ALOX5AP: variants seen among roughly 807,000 people sequenced by gnomAD.
The protein encoded by ALOX5AP is arachidonate 5-lipoxygenase activating protein.
ALOX5AP carries 9 observed loss-of-function variants against 18.5 expected under a neutral mutation model. The observed-to-expected ratio is 0.49, with a 90% CI of 0.29 to 0.85. ALOX5AP has a LOEUF of 0.85. Ranked by LOEUF, ALOX5AP falls within the 40% of genes least tolerant of loss-of-function variation. The pLI is 0.08. For missense variants in ALOX5AP, 172 were observed against 202.5 expected (o/e 0.85, Z 0.91); for synonymous variants, 81 against 78.6 (o/e 1.03, Z -0.16).
At chr13:30,717,067 T>C (rs1319325679) in intron 1 of ALOX5AP, among the ~76,000 whole-genome samples, 1 of 152,152 alleles carries the variant, frequency 6.6e-6, no homozygotes, top group African/African-American at 2.4e-5. Flanking sequence ...GGCCGATCTG[T>C]TCCCAGACTC....
chr13:30,734,594 C>A (rs534421693), upstream of ALOX5AP, among the ~76,000 whole-genome samples: 1 of 152,338 alleles, frequency 6.6e-6, no homozygotes, highest in South Asian at 2.1e-4. Flanking sequence ...CCCAGCAGGT[C>A]CACTCTTATA....
intron 1 of ALOX5AP, among the ~76,000 whole-genome samples, chr13:30,739,958 G>A (rs756710705): frequency 2.9e-4 from 44 of 152,284 alleles, no homozygotes; most frequent in Non-Finnish European, 5.9e-4. Context: ...AGCCCTATGC[G>A]TTTTACCCAG....
At chr13:30,754,464 G>A (rs948745980) in intron 3 of ALOX5AP, among the ~76,000 whole-genome samples, 3 of 152,114 alleles carry the variant, frequency 2.0e-5, no homozygotes, top group African/African-American at 4.8e-5. Flanking sequence ...CTAGCTAGTA[G>A]CATTCCTATG....
intron 4 of ALOX5AP, among the ~76,000 whole-genome samples, chr13:30,760,901 G>A (rs1008094164): frequency 1.3e-5 from 2 of 152,160 alleles, no homozygotes; most frequent in Admixed American, 6.5e-5. Context: ...GTCTTCTGTG[G>A]TTGGTATAAA....
chr13:30,760,225 G>A (rs575009216), intron 4 of ALOX5AP, among the ~76,000 whole-genome samples: 34 of 148,602 alleles, frequency 2.3e-4, no homozygotes, highest in African/African-American at 5.9e-4. Flanking sequence ...TTCCTACCTC[G>A]TATTTTGTTC....
chr13:30,732,738 C>T (rs1421585734), upstream of ALOX5AP, among the ~76,000 whole-genome samples: 1 of 151,930 alleles, frequency 6.6e-6, no homozygotes, highest in Non-Finnish European at 1.5e-5. Context: ...GGAAACAGGT[C>T]TGCAGAGAGA....
chr13:30,752,003 C>A, intron 2 of ALOX5AP, 49 bp from the exon 3 acceptor site: 1 of 1,532,342 alleles, frequency 6.5e-7, no homozygotes, highest in Non-Finnish European at 9.0e-7. Flanking sequence ...GACCACATTG[C>A]ACTAACTTGG....
intron 1 of ALOX5AP, among the ~76,000 whole-genome samples, chr13:30,716,712 T>C (rs9669952): frequency 0.18 from 26,873 of 152,188 alleles, 3,465 homozygotes; most frequent in African/African-American, 0.35. Context: ...ATCCTGACTT[T>C]TGACACCAAC....
At chr13:30,713,491 G>C (rs1593421902) in exon 1 of ALOX5AP, 1 of 496,936 alleles carries the variant, frequency 2.0e-6, no homozygotes. Flanking sequence ...TATTATCTGG[G>C]CATTTGGAGG....
chr13:30,753,570 ATAAAG>A (rs1473297384), intron 3 of ALOX5AP, among the ~76,000 whole-genome samples: 1 of 152,230 alleles, frequency 6.6e-6, no homozygotes, highest in Non-Finnish European at 1.5e-5. Context: ...TTTCTTAGGA[ATAAAG>A]TAGACTGTAG....
chr13:30,737,583 G>A (rs941771911), intron 1 of ALOX5AP, among the ~76,000 whole-genome samples: 9 of 152,188 alleles, frequency 5.9e-5, no homozygotes, highest in Admixed American at 1.3e-4. Flanking sequence ...CAGAGTTCCC[G>A]GAAGTGATGA....
At chr13:30,736,523 C>A (rs1449348401) in intron 1 of ALOX5AP, among the ~76,000 whole-genome samples, 1 of 152,182 alleles carries the variant, frequency 6.6e-6, no homozygotes, top group Non-Finnish European at 1.5e-5. Context: ...AGAGTAATTA[C>A]TAAGGGCAGC....
At chr13:30,723,147 T>A (rs569696792) in intron 1 of ALOX5AP, among the ~76,000 whole-genome samples, 4 of 152,230 alleles carry the variant, frequency 2.6e-5, no homozygotes, top group Non-Finnish European at 4.4e-5. Flanking sequence ...CTTCTCACCA[T>A]ACATATTTAA....
intron 1 of ALOX5AP, among the ~76,000 whole-genome samples, chr13:30,719,674 G>A (rs774909215): frequency 6.6e-6 from 1 of 152,100 alleles, no homozygotes. Flanking sequence ...CTTTTGCTAT[G>A]TCATAGGTTG....
intron 1 of ALOX5AP, among the ~76,000 whole-genome samples, chr13:30,714,676 G>A (rs1415565002): frequency 6.6e-6 from 1 of 152,116 alleles, no homozygotes. Context: ...ATGCTTCAAA[G>A]GGGAGAAGAT....
intron 1 of ALOX5AP, chr13:30,713,881 T>A (rs1365549977): frequency 6.6e-7 from 1 of 1,522,386 alleles, no homozygotes; most frequent in Non-Finnish European, 8.8e-7. Flanking sequence ...TGTGTGTGCA[T>A]CTTCTACCAT....
chr13:30,734,755 C>T (rs1420836103), upstream of ALOX5AP, among the ~76,000 whole-genome samples: 1 of 152,182 alleles, frequency 6.6e-6, no homozygotes, highest in Non-Finnish European at 1.5e-5. Context: ...TACCTGAATT[C>T]TTTGGTTTGG....
intron 1 of ALOX5AP, among the ~76,000 whole-genome samples, chr13:30,725,187 G>T (rs144876838): frequency 6.6e-6 from 1 of 152,200 alleles, no homozygotes; most frequent in African/African-American, 2.4e-5. Flanking sequence ...GTGGTTAATC[G>T]TTTAGTCTGA....
intron 1 of ALOX5AP, among the ~76,000 whole-genome samples, chr13:30,730,384 G>T (rs1368865165): frequency 6.6e-6 from 1 of 152,208 alleles, no homozygotes; most frequent in Non-Finnish European, 1.5e-5. Flanking sequence ...GTGACATCTG[G>T]AACAGACCAT....
Sources: allele counts gnomAD v4.1 joint callset (sites outside exome capture counted in the v4.1 genomes callset), GRCh38; gene constraint gnomAD v4.1.1; transcripts MANE v1.5; gene names NCBI Gene and HGNC (gene_info 2026-07-23, HGNC 2026-07-21).